The following SF3B3 variants were observed in gnomAD, a reference collection of about 807,000 sequenced individuals.
SF3B3 encodes the protein splicing factor 3b subunit 3.
A neutral mutation model predicts 139.2 loss-of-function variants in SF3B3; 33 were observed. The ratio of observed to expected loss-of-function variants is 0.24; its 90% CI spans 0.18 to 0.32. The LOEUF is 0.32. SF3B3 is among the 10% of genes least tolerant of loss of function. The pLI, the probability that SF3B3 is intolerant of heterozygous loss-of-function variation, is 1.00. For missense variants in SF3B3, 818 were observed against 1,509.4 expected, an observed-to-expected ratio of 0.54 and a Z score of 7.59; for synonymous variants, 596 against 563.6, an observed-to-expected ratio of 1.06 and a Z score of -0.81.
At chr16:70,554,861 T>C (rs970561088) in intron 12 of SF3B3, among the ~76,000 whole-genome samples, 190 bp from the exon 13 acceptor site, 1 of 152,236 alleles carries the variant, frequency 6.6e-6, no homozygotes, top group Non-Finnish European at 1.5e-5. Context: ...AAGTGGACAC[T>C]GCAAAACATG....
chr16:70,526,048 C>G (rs1186496479), intron 1 of SF3B3, among the ~76,000 whole-genome samples: 1 of 151,684 alleles, frequency 6.6e-6, no homozygotes, highest in Non-Finnish European at 1.5e-5. Flanking sequence ...CATTTCTAGC[C>G]TGGAGCATTG....
intron 14 of SF3B3, 83 bp downstream of exon 14, chr16:70,556,417 C>G: frequency 6.8e-7 from 1 of 1,466,566 alleles, no homozygotes; most frequent in Non-Finnish European, 9.5e-7. Context: ...AGATCCACTC[C>G]TGATGTCTAT....
chr16:70,523,942 C>T lies in SF3B3; in HGVS notation c.-71+14C>T, dbSNP rs959036668. 10 of 429,440 alleles carry T rather than the reference C, an allele frequency of 2.3e-5. No individual in the cohort carries two copies. The highest frequency in any genetic ancestry group is 1.4e-4 in the African/African-American group (7 of 48,724). 26.6% of individuals were successfully genotyped at this position (429,440 alleles called of 1,614,324 possible). A position where few individuals can be genotyped will look rare whatever the true frequency, so the allele number is the denominator to read the frequency against. ...TCTCGCTGCAGGGTAAAAAAACAGC[C>T]TGGAGACTTCCCCGGGCCCGGGGAG... On this transcript the variant is annotated intron_variant, in intron 1 of 25. Coordinates refer to ENST00000302516, the MANE Select transcript of SF3B3 (RefSeq NM_012426.5).
chr16:70,566,405 A>G (rs945109174), intron 20 of SF3B3, among the ~76,000 whole-genome samples: 1 of 151,996 alleles, frequency 6.6e-6, no homozygotes, highest in Admixed American at 6.6e-5. Flanking sequence ...TCTATTAAAA[A>G]TAAAAAATCA....
intron 15 of SF3B3, among the ~76,000 whole-genome samples, chr16:70,560,145 G>A (rs954220936): frequency 5.3e-5 from 8 of 152,108 alleles, no homozygotes; most frequent in African/African-American, 1.9e-4. Context: ...AGGGACCATG[G>A]TCTTTGTGGT....
chr16:70,567,640 C>T, intron 21 of SF3B3, 104 bp downstream of exon 21: 2 of 1,340,968 alleles, frequency 1.5e-6, no homozygotes, highest in Non-Finnish European at 2.0e-6. Flanking sequence ...TTTATTAGGA[C>T]TTGTTGTGTT....
chr16:70,537,041 C>A (rs1480854466), intron 6 of SF3B3, among the ~76,000 whole-genome samples: 2 of 151,462 alleles, frequency 1.3e-5, no homozygotes, highest in African/African-American at 4.9e-5. Context: ...GAACTCGTGA[C>A]CTTGTGATCT....
rs111390005 is a variant in SF3B3, at chr16:70,561,501, G to T, written c.2134-129G>T. On this transcript the variant is annotated intron_variant, in intron 16 of 25. Coordinates refer to ENST00000302516, the MANE Select transcript of SF3B3 (RefSeq NM_012426.5). ...AGCCCTCTTTTTCTTAAGATAGCCT[G>T]TTATATTTCTAGAATATCTTAGGAT... The T allele has an allele frequency of 8.4e-5, 65 of 778,318 alleles. 3 individuals carry two copies. The highest frequency in any genetic ancestry group is 5.7e-4 in the African/African-American group (33 of 57,948). 48.2% of individuals were successfully genotyped at this position (778,318 alleles called of 1,614,324 possible). A position where few individuals can be genotyped will look rare whatever the true frequency, so the allele number is the denominator to read the frequency against.
rs1302985894 is a variant in SF3B3 at position 70,529,126 on chromosome 16, C to G, written c.324C>G (p.Gly108=). Reference sequence around the variant, plus strand: ...AGAAGATTCACCAAGAAACCTTTGGCAAGAGTGGATGCCGTCGCATCGTTC... The same window carrying G: ...AGAAGATTCACCAAGAAACCTTTGGGAAGAGTGGATGCCGTCGCATCGTTC... The part of the protein sequence containing the change: ...MFEKIHQETF[G]KSGCRRIVPG... The change falls in exon 3 of 26, where the codon GGC becomes GGG. Residue 108 remains glycine, a synonymous_variant. Coordinates refer to ENST00000302516, the MANE Select transcript of SF3B3 (RefSeq NM_012426.5). The G allele has an allele frequency of 1.9e-6, 3 of 1,614,180 alleles. No homozygotes were observed. Among genetic ancestry groups the G allele is most frequent in the Non-Finnish European group, 1.7e-6 (2 of 1,180,034 alleles).
chr16:70,544,969 T>C (rs916492067), intron 10 of SF3B3, among the ~76,000 whole-genome samples: 4 of 152,242 alleles, frequency 2.6e-5, no homozygotes, highest in African/African-American at 7.2e-5. Flanking sequence ...CATCTAGTCT[T>C]AGTTAAATCA....
chr16:70,568,193 C>A (rs2050494988), intron 21 of SF3B3, 90 bp from the exon 22 acceptor site: 6 of 976,928 alleles, frequency 6.1e-6, no homozygotes, highest in Non-Finnish European at 3.3e-6. Context: ...TTCTGCTGAC[C>A]CTACGTATGT....
intron 20 of SF3B3, among the ~76,000 whole-genome samples, chr16:70,567,020 C>T (rs1289794053): frequency 6.6e-6 from 1 of 151,644 alleles, no homozygotes; most frequent in Non-Finnish European, 1.5e-5. Flanking sequence ...TGCCACAGCC[C>T]TTCAGCCTGA....
chr16:70,561,512 A>G, intron 16 of SF3B3, 118 bp from the exon 17 acceptor site: 1 of 825,404 alleles, frequency 1.2e-6, no homozygotes, highest in South Asian at 1.7e-5. Flanking sequence ...TTATATTTCT[A>G]GAATATCTTA....
chr16:70,548,739 G>A (rs1014383159), intron 11 of SF3B3, among the ~76,000 whole-genome samples: 1 of 152,162 alleles, frequency 6.6e-6, no homozygotes, highest in African/African-American at 2.4e-5. Context: ...AAAGGTACTG[G>A]TTTCATCTGT....
chr16:70,526,427 C>G (rs905486386), intron 1 of SF3B3, among the ~76,000 whole-genome samples, 160 bp from the exon 2 acceptor site: 3 of 152,118 alleles, frequency 2.0e-5, no homozygotes, highest in South Asian at 2.1e-4. Flanking sequence ...AAGCTGGTCT[C>G]GAACTCCTGA....
chr16:70,532,410 G>A, intron 4 of SF3B3, 69 bp from the exon 5 acceptor site: 1 of 1,274,394 alleles, frequency 7.8e-7, no homozygotes, highest in Non-Finnish European at 1.1e-6. Flanking sequence ...GTAAATTGGA[G>A]TCCTGATGTC....
Position 70,575,662 on chromosome 16 carries a change from C to T in SF3B3, c.*3849C>T, listed in dbSNP as rs1331960205. On this transcript the variant is annotated 3_prime_UTR_variant, in exon 26 of 26. Coordinates refer to ENST00000302516, the MANE Select transcript of SF3B3 (RefSeq NM_012426.5). ...GAGTTTATAACCAGGCAGTCTCTGT[C>T]GCTGTGAGGTTGGTGGTGAGGTGAG... The T allele has an allele frequency of 1.3e-5, 2 of 152,284 alleles. No homozygotes were observed. Among genetic ancestry groups the T allele is most frequent in the Admixed American group, 6.5e-5 (1 of 15,270 alleles). 9.4% of individuals were successfully genotyped at this position (152,284 alleles called of 1,614,324 possible). A position where few individuals can be genotyped will look rare whatever the true frequency, so the allele number is the denominator to read the frequency against.
intron 1 of SF3B3, among the ~76,000 whole-genome samples, chr16:70,525,919 C>CCACTG (rs1190728829): frequency 6.8e-6 from 1 of 146,220 alleles, no homozygotes; most frequent in East Asian, 2.0e-4. Context: ...CAAGATGGCG[C>CCACTG]CACTGCACTC....
At chr16:70,556,038 C>CTA in intron 13 of SF3B3, 141 bp from the exon 14 acceptor site, 1 of 755,316 alleles carries the variant, frequency 1.3e-6, no homozygotes, top group Middle Eastern at 3.5e-4. Context: ...TTGTCATTTA[C>CTA]TATAGTAAGA....
Sources: gnomAD v4.1 joint callset for allele counts (sites outside exome capture counted in the v4.1 genomes callset) on GRCh38, gnomAD v4.1.1 for gene constraint, MANE v1.5 for transcripts, NCBI Gene and HGNC (gene_info 2026-07-23, HGNC 2026-07-21) for gene names.